Variants in EIF3K observed in about 807,000 individuals in gnomAD.
The protein encoded by EIF3K is eukaryotic translation initiation factor 3 subunit K.
EIF3K carries 27 observed loss-of-function variants against 34.2 expected under a neutral mutation model. The ratio of observed to expected loss-of-function variants is 0.79; its 90% CI spans 0.58 to 1.09. The LOEUF is 1.09. Ranked by LOEUF, EIF3K falls within the 50% of genes least tolerant of loss-of-function variation. The pLI, the probability that EIF3K is intolerant of heterozygous loss-of-function variation, is 0.00. For missense variants in EIF3K, 232 were observed against 275.4 expected (o/e 0.84, Z 1.11); for synonymous variants, 105 against 105.7 (o/e 0.99, Z 0.04).
chr19:38,630,359 T>A (rs1206867077), intron 4 of EIF3K, among the ~76,000 whole-genome samples: 1 of 148,952 alleles, frequency 6.7e-6, no homozygotes, highest in African/African-American at 2.5e-5. Flanking sequence ...TTTTTTTTTT[T>A]TTTGAGATGG....
chr19:38,620,838 G>C (rs1470697195), intron 2 of EIF3K, among the ~76,000 whole-genome samples: 2 of 151,922 alleles, frequency 1.3e-5, no homozygotes, highest in African/African-American at 4.8e-5. Flanking sequence ...AGATTGTGGT[G>C]AACCAAGATC....
intron 4 of EIF3K, among the ~76,000 whole-genome samples, chr19:38,628,249 T>G (rs1489966796): frequency 1.3e-5 from 2 of 152,160 alleles, no homozygotes; most frequent in African/African-American, 4.8e-5. Context: ...GGGTCCTCCC[T>G]CACAGAGTCT....
chr19:38,635,397 C>T (rs1021788193), intron 7 of EIF3K: 6 of 498,136 alleles, frequency 1.2e-5, no homozygotes, highest in Admixed American at 1.0e-4. Flanking sequence ...GGGGTCTCTG[C>T]ACCCTTATTT....
intron 4 of EIF3K, among the ~76,000 whole-genome samples, chr19:38,629,735 TGGA>T (rs1399148027): frequency 1.3e-5 from 2 of 152,068 alleles, no homozygotes; most frequent in Non-Finnish European, 2.9e-5. Context: ...GTGGTAGCCA[TGGA>T]GGAGAATTCC....
Position 38,634,865 on chromosome 19 carries a change from G to C in EIF3K, c.500-128G>C, listed in dbSNP as rs553254910. ...CAAGGAGACCAGGCCAGCTGCTGCTGTCCAGGAGATGTCAGTGGGCAAGGG... is the reference window on the plus strand; with the variant it reads ...CAAGGAGACCAGGCCAGCTGCTGCTCTCCAGGAGATGTCAGTGGGCAAGGG... On this transcript the variant is annotated intron_variant, in intron 6 of 7. Coordinates refer to ENST00000248342, the MANE Select transcript of EIF3K (RefSeq NM_013234.4). 8 of 1,377,686 alleles carry C rather than the reference G, an allele frequency of 5.8e-6. No individual in the cohort carries two copies. The East Asian group carries it at 1.7e-4, about 30-fold the overall frequency. 85.3% of individuals were successfully genotyped at this position (1,377,686 alleles called of 1,614,324 possible). A position where few individuals can be genotyped will look rare whatever the true frequency, so the allele number is the denominator to read the frequency against.
At chr19:38,626,134 A>C (rs759227222) in intron 4 of EIF3K, 32 bp downstream of exon 4, 3 of 1,600,788 alleles carry the variant, frequency 1.9e-6, no homozygotes, top group South Asian at 1.1e-5. Flanking sequence ...GGCAGGGGAG[A>C]TGGCAGGGCC....
intron 2 of EIF3K, among the ~76,000 whole-genome samples, 182 bp from the exon 3 acceptor site, chr19:38,623,895 C>A (rs1416594685): frequency 6.6e-6 from 1 of 152,148 alleles, no homozygotes; most frequent in Non-Finnish European, 1.5e-5. Flanking sequence ...TGTCCCTGTT[C>A]ACAGAGGAGA....
chr19:38,636,204 A>T (rs1976187606), intron 7 of EIF3K, among the ~76,000 whole-genome samples: 1 of 152,136 alleles, frequency 6.6e-6, no homozygotes, highest in South Asian at 2.1e-4. Context: ...CTTTTAGGTC[A>T]CAGGTGGAGA....
intron 4 of EIF3K, 179 bp from the exon 5 acceptor site, chr19:38,632,251 G>A: frequency 1.6e-6 from 1 of 609,522 alleles, no homozygotes; most frequent in Non-Finnish European, 2.9e-6. Flanking sequence ...CCTCGTCTAT[G>A]TAACAACAGC....
chr19:38,631,191 TGA>T (rs1976056860), intron 4 of EIF3K, among the ~76,000 whole-genome samples: 1 of 152,100 alleles, frequency 6.6e-6, no homozygotes, highest in Admixed American at 6.6e-5. Flanking sequence ...TTAGGTGGAA[TGA>T]GAGACTTGGA....
chr19:38,635,298 G>C, intron 7 of EIF3K, 180 bp downstream of exon 7: 2 of 850,200 alleles, frequency 2.4e-6, no homozygotes, highest in Non-Finnish European at 3.6e-6. Context: ...ATAGCGGGGA[G>C]CTGGGTGATC....
intron 2 of EIF3K, among the ~76,000 whole-genome samples, chr19:38,621,727 A>G (rs1223549687): frequency 1.3e-5 from 2 of 152,040 alleles, no homozygotes; most frequent in African/African-American, 2.4e-5. Context: ...TGCATTTGCC[A>G]TTTGCTACTC....
rs201812654 is a variant in EIF3K at position 38,619,219 on chromosome 19, G to T, written c.-50G>T. On this transcript the variant is annotated 5_prime_UTR_variant, in exon 1 of 8. Transcript: ENST00000248342. Reference sequence around the variant, plus strand: ...CTGTTCCCGTCCTTGAGGACGCCGTGCCGGGTCAGTGTTAGCCTCCAGCCC... The same window carrying T: ...CTGTTCCCGTCCTTGAGGACGCCGTTCCGGGTCAGTGTTAGCCTCCAGCCC... 7.9e-4 allele frequency: 1,262 copies of T among 1,600,894 alleles called. 1 individual carries two copies. Among genetic ancestry groups the T allele is most frequent in the Non-Finnish European group, 7.2e-4 (840 of 1,169,608 alleles).
intron 2 of EIF3K, among the ~76,000 whole-genome samples, chr19:38,622,995 C>A (rs1034796806): frequency 6.6e-6 from 1 of 152,204 alleles, no homozygotes. Flanking sequence ...CTCAAACACA[C>A]ATGTTGTGCA....
intron 4 of EIF3K, among the ~76,000 whole-genome samples, chr19:38,631,638 G>A (rs374985518): frequency 9.9e-5 from 15 of 152,148 alleles, no homozygotes; most frequent in Non-Finnish European, 1.5e-4. Context: ...CTGCAAAGAG[G>A]CGTTCCTTCC....
At chr19:38,636,219 A>G (rs1252291280) in intron 7 of EIF3K, among the ~76,000 whole-genome samples, 1 of 152,198 alleles carries the variant, frequency 6.6e-6, no homozygotes, top group Non-Finnish European at 1.5e-5. Context: ...TGGAGAGGGC[A>G]GTGCTGAGTC....
chr19:38,636,761 T>C (rs1976200737), intron 7 of EIF3K, 128 bp from the exon 8 acceptor site: 2 of 1,092,798 alleles, frequency 1.8e-6, no homozygotes, highest in Non-Finnish European at 2.8e-6. Context: ...AAACTGCCTT[T>C]GTGATGGTAA....
intron 6 of EIF3K, among the ~76,000 whole-genome samples, chr19:38,633,479 T>C (rs557462573): frequency 2.0e-5 from 3 of 152,122 alleles, no homozygotes; most frequent in Admixed American, 1.3e-4. Flanking sequence ...GGGCGGATCA[T>C]CTGTGGTCAG....
intron 4 of EIF3K, chr19:38,631,096 C>G (rs1401945762): frequency 6.6e-5 from 10 of 152,300 alleles, no homozygotes; most frequent in African/African-American, 1.9e-4. Context: ...TAGGTGTGAG[C>G]CACCACACAT....
Sources: allele counts gnomAD v4.1 joint callset (sites outside exome capture counted in the v4.1 genomes callset), GRCh38; gene constraint gnomAD v4.1.1; transcripts MANE v1.5; gene names NCBI Gene and HGNC (gene_info 2026-07-23, HGNC 2026-07-21).